The following WIPF1 variants were observed in gnomAD, a reference collection of about 807,000 sequenced individuals.
The protein encoded by WIPF1 is WAS/WASL interacting protein family member 1.
Under a neutral mutation model 35.4 loss-of-function variants are expected in WIPF1, and 13 were observed. The ratio of observed to expected loss-of-function variants is 0.37; its 90% CI spans 0.24 to 0.58. WIPF1 has a LOEUF of 0.58. Ranked by LOEUF, WIPF1 falls within the 20% of genes least tolerant of loss-of-function variation. The pLI, the probability that WIPF1 is intolerant of heterozygous loss-of-function variation, is 0.74. For synonymous variants in WIPF1, 267 were observed against 266.3 expected (o/e 1.00, Z -0.02); for missense variants, 591 against 667.0 (o/e 0.89, Z 1.25).
At chr2:174,665,380 T>C (rs911592477) in intron 1 of WIPF1, 1 of 152,230 alleles carries the variant, frequency 6.6e-6, no homozygotes, top group African/African-American at 2.4e-5. Context: ...TCCATCACCA[T>C]CTTCTCCACT....
chr2:174,589,633 A>T (rs1214409586), intron 1 of WIPF1, among the ~76,000 whole-genome samples: 1 of 74,264 alleles, frequency 1.3e-5, no homozygotes, highest in Non-Finnish European at 3.5e-5. Context: ...ACTTGTATGA[A>T]AAAAAAGTAC....
At chr2:174,580,473 C>CAGA (rs1293409688) in intron 3 of WIPF1, among the ~76,000 whole-genome samples, 4 of 152,164 alleles carry the variant, frequency 2.6e-5, no homozygotes, top group Non-Finnish European at 5.9e-5. Flanking sequence ...GATTCTGCCT[C>CAGA]ATTATTCACT....
intron 1 of WIPF1, among the ~76,000 whole-genome samples, chr2:174,586,113 G>T: frequency 6.6e-6 from 1 of 152,076 alleles, no homozygotes; most frequent in African/African-American, 2.4e-5. Context: ...TTCTAGTCCC[G>T]CCCTCAAAGT....
chr2:174,622,901 T>C lies in WIPF1; in HGVS notation c.-38-37290A>G, dbSNP rs1364404022. Reference sequence around the variant, plus strand: ...GAGGCAACTACAACACCTACCATAATGCCCTCCTAAGAGGTGTTCTATTTG... The same window carrying C: ...GAGGCAACTACAACACCTACCATAACGCCCTCCTAAGAGGTGTTCTATTTG... On this transcript the variant is annotated intron_variant, in intron 1 of 8. Transcript: ENST00000272746. This position sits in a 1 kb window ranked among gnomAD's most constrained non-coding sequence, Gnocchi z 5.1. 6.6e-6 allele frequency among the ~76,000 whole-genome samples: 1 copy of C among 152,334 alleles called. No individual in the cohort carries two copies. The highest frequency in any genetic ancestry group is 1.5e-5 in the Non-Finnish European group (1 of 68,016).
At chr2:174,589,353 CA>C (rs1256309409) in intron 1 of WIPF1, among the ~76,000 whole-genome samples, 1 of 152,212 alleles carries the variant, frequency 6.6e-6, no homozygotes, top group African/African-American at 2.4e-5. Context: ...GAGATCTGGG[CA>C]AAAGAATCAG....
At chr2:174,675,501 C>T (rs1048438164) in intron 1 of WIPF1, among the ~76,000 whole-genome samples, 2 of 151,968 alleles carry the variant, frequency 1.3e-5, no homozygotes, top group Admixed American at 1.3e-4. Context: ...GGACTACAGG[C>T]ATATGCCACC....
At chr2:174,658,597 T>C (rs958368908) in intron 1 of WIPF1, among the ~76,000 whole-genome samples, 1 of 151,918 alleles carries the variant, frequency 6.6e-6, no homozygotes, top group Non-Finnish European at 1.5e-5. Flanking sequence ...GGAATCATAG[T>C]GAAGTTAATT....
chr2:174,641,327 T>C (rs1323076784), intron 1 of WIPF1, among the ~76,000 whole-genome samples: 1 of 152,140 alleles, frequency 6.6e-6, no homozygotes, highest in East Asian at 1.9e-4. Flanking sequence ...TGCTGAGGGG[T>C]TGCAAGAATG....
At chr2:174,570,007 C>T (rs1684780445) in intron 5 of WIPF1, among the ~76,000 whole-genome samples, 1 of 152,262 alleles carries the variant, frequency 6.6e-6, no homozygotes, top group South Asian at 2.1e-4. Context: ...ACTCACTGAC[C>T]CAGATATTCC....
chr2:174,588,309 T>A (rs1475916505), intron 1 of WIPF1, among the ~76,000 whole-genome samples: 5 of 152,324 alleles, frequency 3.3e-5, no homozygotes, highest in Admixed American at 2.0e-4. Flanking sequence ...TTTGTCTGAC[T>A]CCACGTTCAC....
At chr2:174,586,757 C>G (rs1275792155) in intron 1 of WIPF1, among the ~76,000 whole-genome samples, 1 of 152,206 alleles carries the variant, frequency 6.6e-6, no homozygotes, top group Non-Finnish European at 1.5e-5. Context: ...AACTGTGGTC[C>G]TGGATAGGCA....
Position 174,571,870 on chromosome 2 carries a change from G to T in WIPF1, c.935C>A (p.Pro312His). ...AGGAGGCGGCCCGGGCCTGCTGGGAGGTGGCGGCGGAGGTGGGGCCTGTGA... is the reference window on the plus strand; with the variant it reads ...AGGAGGCGGCCCGGGCCTGCTGGGATGTGGCGGCGGAGGTGGGGCCTGTGA... ...ASSQAPPPPP[P>H]PSRPGPPPLP... Residue 312 changes from proline (P) to histidine (H), a missense_variant, in exon 5 of 8, where the codon CCT (proline) becomes CAT (histidine). By Grantham distance (77) the Pro-to-His change is moderately conservative (BLOSUM62 -2). Coordinates refer to ENST00000679041, the MANE Select transcript of WIPF1 (RefSeq NM_001375834.1). This position sits in a 1 kb window ranked among gnomAD's most constrained non-coding sequence, Gnocchi z 4.6. The T allele has an allele frequency of 6.2e-7, 1 of 1,613,314 alleles. No individual in the cohort carries two copies. The highest frequency in any genetic ancestry group is 8.5e-7 in the Non-Finnish European group (1 of 1,179,730).
At chr2:174,657,254 G>C (rs1687659366) in intron 1 of WIPF1, among the ~76,000 whole-genome samples, 1 of 152,144 alleles carries the variant, frequency 6.6e-6, no homozygotes, top group African/African-American at 2.4e-5. Flanking sequence ...AAAATGCCAA[G>C]AATATTTTCT....
chr2:174,560,146 T>G lies in WIPF1; in HGVS notation c.*2401A>C, dbSNP rs962439876. The G allele has an allele frequency of 7.9e-5, 12 of 152,642 alleles. No homozygotes were observed. Among genetic ancestry groups the G allele is most frequent in the African/African-American group, 2.9e-4 (12 of 41,462 alleles). 9.5% of individuals were successfully genotyped at this position (152,642 alleles called of 1,614,324 possible). A position where few individuals can be genotyped will look rare whatever the true frequency, so the allele number is the denominator to read the frequency against. On this transcript the variant is annotated 3_prime_UTR_variant, in exon 8 of 8. Transcript: ENST00000679041. ...ATTTCAGGGAAGAAAAATTCATTTT[T>G]GTAATTTTCCATAGTTTAAGATTTT...
At chr2:174,637,362 AAAG>A (rs1473282251) in intron 1 of WIPF1, among the ~76,000 whole-genome samples, 2 of 152,184 alleles carry the variant, frequency 1.3e-5, no homozygotes, top group African/African-American at 4.8e-5. Flanking sequence ...TGTTTTGACA[AAAG>A]AATACAAAAA....
intron 4 of WIPF1, among the ~76,000 whole-genome samples, chr2:174,574,510 T>C (rs1335143872): frequency 1.3e-5 from 2 of 152,240 alleles, no homozygotes; most frequent in South Asian, 2.1e-4. Flanking sequence ...TATTATAACA[T>C]GATCAACATT....
At chr2:174,605,189 CTTTGGGAG>C (rs1290151296) in intron 1 of WIPF1, among the ~76,000 whole-genome samples, 23 of 152,206 alleles carry the variant, frequency 1.5e-4, no homozygotes, top group African/African-American at 5.1e-4. Flanking sequence ...AATCCCAGCA[CTTTGGGAG>C]GCAGAGGCAG....
chr2:174,618,813 G>T (rs1686591039), intron 1 of WIPF1, among the ~76,000 whole-genome samples: 1 of 152,132 alleles, frequency 6.6e-6, no homozygotes, highest in South Asian at 2.1e-4. Flanking sequence ...TGAGTCTCCT[G>T]TCTCCTTTAT....
chr2:174,632,709 CAAAAAAAAAAAA>C (rs71024821), intron 1 of WIPF1, among the ~76,000 whole-genome samples: 1 of 68,906 alleles, frequency 1.5e-5, no homozygotes, highest in East Asian at 4.9e-4. Context: ...AACTCCATCT[CAAAAAAAAAAAA>C]AAAAAAAAAA....
Sources: gnomAD v4.1 joint callset for allele counts (sites outside exome capture counted in the v4.1 genomes callset) on GRCh38, gnomAD v4.1.1 for gene constraint, Gnocchi (gnomAD v3.1) non-coding constraint, MANE v1.5 for transcripts, NCBI Gene and HGNC (gene_info 2026-07-23, HGNC 2026-07-21) for gene names.